Variants in TRMT11 observed in about 807,000 individuals in gnomAD.
TRMT11 encodes tRNA methyltransferase 11.
A neutral mutation model predicts 62.8 loss-of-function variants in TRMT11; 53 were observed. That is an observed-to-expected ratio of 0.84 (90% CI 0.68 to 1.06). TRMT11 has a LOEUF of 1.06. TRMT11 is among the 50% of genes least tolerant of loss of function. The pLI, the probability that TRMT11 is intolerant of heterozygous loss-of-function variation, is 0.00. For missense variants in TRMT11, 556 were observed against 553.4 expected (o/e 1.00, Z -0.05); for synonymous variants, 188 against 190.3 (o/e 0.99, Z 0.10).
chr6:126,005,147 ATACAG>A (rs1426245171), intron 7 of TRMT11, among the ~76,000 whole-genome samples: 1 of 152,064 alleles, frequency 6.6e-6, no homozygotes, highest in African/African-American at 2.4e-5. Context: ...CCTGTCTGTG[ATACAG>A]TACAAGACTT....
At chr6:126,234,727 G>A in the TRMT11 span, among the ~76,000 whole-genome samples, 13 of 152,066 alleles carry the variant, frequency 8.5e-5, no homozygotes, top group Non-Finnish European at 1.5e-4. Context: ...AGTTGTATTA[G>A]TAGCACTTAC....
At chr6:125,998,826 G>C in intron 6 of TRMT11, 142 bp downstream of exon 6, 1 of 758,292 alleles carries the variant, frequency 1.3e-6, no homozygotes, top group Non-Finnish European at 2.0e-6. Context: ...AAGAGTATGT[G>C]ATTATGTTTT....
the TRMT11 span, among the ~76,000 whole-genome samples, chr6:126,231,365 G>GA: frequency 6.6e-6 from 1 of 151,888 alleles, no homozygotes; most frequent in Admixed American, 6.6e-5. Flanking sequence ...GTGATAATTT[G>GA]AAAAAAACTT....
At chr6:126,241,348 C>T in the TRMT11 span, among the ~76,000 whole-genome samples, 12,845 of 152,144 alleles carry the variant, frequency 0.084, 1,790 homozygotes, top group African/African-American at 0.29. Flanking sequence ...GCCTCACAGC[C>T]GAATTCTACC....
At chr6:126,205,361 G>A (rs1778779788), downstream of TRMT11, among the ~76,000 whole-genome samples, 1 of 152,054 alleles carries the variant, frequency 6.6e-6, no homozygotes, top group Non-Finnish European at 1.5e-5. Flanking sequence ...AAAATTTGCT[G>A]GGCGTGGTGG....
intron 18 of TRMT11, among the ~76,000 whole-genome samples, chr6:126,113,333 C>A (rs1333403757): frequency 1.3e-5 from 2 of 151,958 alleles, no homozygotes; most frequent in African/African-American, 2.4e-5. Context: ...ATTTATAAAT[C>A]AAAAACCAAT....
In TRMT11 at chr6:126,038,863, GA is replaced by G; in HGVS notation, c.*29del. The G allele has an allele frequency of 6.4e-7, 1 of 1,568,504 alleles. No individual in the cohort carries two copies. The highest frequency in any genetic ancestry group is 8.6e-7 in the Non-Finnish European group (1 of 1,160,072). On this transcript the variant is annotated 3_prime_UTR_variant, in exon 13 of 13. Transcript: ENST00000334379. ...AATTAAGATTTTGACAATGAAGAAA[GA>G]ATAAGAATTTGATTTAAAAAGACAT...
chr6:126,061,213 C>T (rs1270877965), intron 17 of TRMT11, among the ~76,000 whole-genome samples: 1 of 152,180 alleles, frequency 6.6e-6, no homozygotes, highest in Middle Eastern at 3.2e-3. Context: ...CCACATCAGA[C>T]CTACCAAAGC....
At chr6:126,122,233 T>C (rs1186133388) in intron 21 of TRMT11, among the ~76,000 whole-genome samples, 1 of 152,092 alleles carries the variant, frequency 6.6e-6, no homozygotes, top group Non-Finnish European at 1.5e-5. Context: ...TTACCCAGTC[T>C]CGGGTATGTC....
intron 21 of TRMT11, among the ~76,000 whole-genome samples, chr6:126,135,976 G>A (rs1777844921): frequency 1.3e-5 from 2 of 151,714 alleles, no homozygotes; most frequent in Non-Finnish European, 3.0e-5. Context: ...GGGTATAGAA[G>A]GAACATATCT....
chr6:126,205,281 G>A (rs1370051759), downstream of TRMT11, among the ~76,000 whole-genome samples: 1 of 152,166 alleles, frequency 6.6e-6, no homozygotes, highest in Non-Finnish European at 1.5e-5. Context: ...AAGGTGGGCA[G>A]GTCACGAGGT....
At chr6:126,026,810 T>G (rs996141596) in intron 12 of TRMT11, among the ~76,000 whole-genome samples, 1 of 148,990 alleles carries the variant, frequency 6.7e-6, no homozygotes, top group Non-Finnish European at 1.5e-5. Flanking sequence ...GGGTTTTTTT[T>G]TTTTTTTTTT....
the TRMT11 span, among the ~76,000 whole-genome samples, chr6:126,249,095 G>A: frequency 6.6e-6 from 1 of 151,960 alleles, no homozygotes. Context: ...TTTAAGATAA[G>A]TACCAAAAAA....
rs751269334 is a variant in TRMT11 at position 125,999,469 on chromosome 6, CAG to C, written c.542_543del (p.Glu181AlafsTer3). ...ATCTCTGATTTAGATTGCAGATGGACAGAGAGAGCTTATTGAGTCATACAGTG... is the reference window on the plus strand; with the variant it reads ...ATCTCTGATTTAGATTGCAGATGGACAGAGAGCTTATTGAGTCATACAGTG... Reference protein sequence around the residue: ...IYFGRWIADGQRELIESYSVK... With the variant: ...IYFGRWIADGXRELIESYSVK... On this transcript the variant is annotated frameshift_variant, in exon 7 of 13. Transcript: ENST00000334379. LOFTEE classifies it high-confidence loss of function. 47 of 1,600,750 alleles carry C rather than the reference CAG, an allele frequency of 2.9e-5. No individual in the cohort carries two copies. The highest frequency in any genetic ancestry group is 4.5e-5 in the East Asian group (2 of 44,584).
chr6:126,037,465 C>T (rs1775400182), intron 12 of TRMT11, among the ~76,000 whole-genome samples: 1 of 152,016 alleles, frequency 6.6e-6, no homozygotes, highest in African/African-American at 2.4e-5. Context: ...TGTATGTAGA[C>T]TGAAGTTATT....
At chr6:126,032,841 A>G (rs1774461659) in intron 12 of TRMT11, among the ~76,000 whole-genome samples, 1 of 152,202 alleles carries the variant, frequency 6.6e-6, no homozygotes, top group Non-Finnish European at 1.5e-5. Context: ...GCTGTTCTAG[A>G]ATAAAAACAA....
chr6:126,172,525 C>T (rs972337124), upstream of TRMT11, among the ~76,000 whole-genome samples: 1 of 152,194 alleles, frequency 6.6e-6, no homozygotes, highest in Admixed American at 6.5e-5. Context: ...AAAGCCTCAA[C>T]AAATATTTCC....
chr6:126,171,719 A>AT (rs1013344483), intron 21 of TRMT11, among the ~76,000 whole-genome samples: 6 of 151,842 alleles, frequency 4.0e-5, no homozygotes, highest in African/African-American at 9.7e-5. Context: ...GTCTTTAAAG[A>AT]TTTTTTCTTT....
At chr6:126,046,408 C>T (rs1035282818) in intron 16 of TRMT11, among the ~76,000 whole-genome samples, 4 of 152,148 alleles carry the variant, frequency 2.6e-5, no homozygotes. Context: ...TTTATTTGAG[C>T]TCCAAGCAGC....
Sources: gnomAD v4.1 joint callset for allele counts (sites outside exome capture counted in the v4.1 genomes callset) on GRCh38, gnomAD v4.1.1 for gene constraint, MANE v1.5 for transcripts, NCBI Gene and HGNC (gene_info 2026-07-23, HGNC 2026-07-21) for gene names.